Variants in NOX4 observed in about 807,000 individuals in gnomAD.
NOX4 encodes the protein NADPH oxidase 4, also known as kidney oxidase-1.
A neutral mutation model predicts 87.6 loss-of-function variants in NOX4; 69 were observed. That is an observed-to-expected ratio of 0.79 (90% CI 0.65 to 0.96). The LOEUF is 0.96. NOX4 is among the 40% of genes least tolerant of loss of function. NOX4 has a pLI of 0.00. For missense variants in NOX4, 680 were observed against 681.5 expected (o/e 1.00, Z 0.02); for synonymous variants, 275 against 238.2 (o/e 1.15, Z -1.42).
chr11:89,400,615 T>C (rs1232878877), intron 9 of NOX4, among the ~76,000 whole-genome samples: 5 of 152,116 alleles, frequency 3.3e-5, no homozygotes, highest in African/African-American at 9.6e-5. Context: ...ATGCCCTGGG[T>C]GTAACTATCC....
At chr11:89,385,791 C>T (rs1204772196) in intron 11 of NOX4, among the ~76,000 whole-genome samples, 1 of 152,130 alleles carries the variant, frequency 6.6e-6, no homozygotes, top group African/African-American at 2.4e-5. Context: ...AACTAAAATA[C>T]CTCTTGGTCT....
chr11:89,558,579 T>C, the NOX4 span, among the ~76,000 whole-genome samples: 1 of 152,270 alleles, frequency 6.6e-6, no homozygotes, highest in East Asian at 1.9e-4. Flanking sequence ...CCAGGCTTAG[T>C]AGTACCCCAG....
intron 8 of NOX4, among the ~76,000 whole-genome samples, chr11:89,413,244 A>G (rs1229213174): frequency 1.3e-5 from 2 of 152,170 alleles, no homozygotes; most frequent in Non-Finnish European, 2.9e-5. Flanking sequence ...GTAAGTTAGC[A>G]TAACCCTTAT....
At chr11:89,506,977 A>G in the NOX4 span, among the ~76,000 whole-genome samples, 63 of 152,044 alleles carry the variant, frequency 4.1e-4, no homozygotes, top group South Asian at 2.1e-4. Context: ...AAAGGAATGA[A>G]CTCTCGATAC....
At chr11:89,386,301 T>A (rs1387309991) in intron 11 of NOX4, among the ~76,000 whole-genome samples, 1 of 152,150 alleles carries the variant, frequency 6.6e-6, no homozygotes, top group African/African-American at 2.4e-5. Flanking sequence ...TATTCATCAT[T>A]CTCAACTACT....
intron 12 of NOX4, among the ~76,000 whole-genome samples, chr11:89,357,974 A>C (rs1938199507): frequency 6.6e-6 from 1 of 152,178 alleles, no homozygotes; most frequent in Admixed American, 6.5e-5. Context: ...GACATCACTT[A>C]TAAAGCTATA....
the NOX4 span, chr11:89,546,663 T>C: frequency 6.6e-6 from 1 of 152,244 alleles, no homozygotes; most frequent in African/African-American, 2.4e-5. Context: ...AAATCCAATG[T>C]CTAGACGCTG....
At position 89,421,219 on chromosome 11, in the gene NOX4, C is replaced by A. The variant is rs527341311; in HGVS notation, c.629+683G>T. On this transcript the variant is annotated intron_variant, in intron 8 of 17. Transcript: ENST00000263317. Reference sequence around the variant, plus strand: ...TGCAGGTGTGAATGTCACGCCAAAGCCATCAAGTTCACTGCCGGTGGCCAT... The same window carrying A: ...TGCAGGTGTGAATGTCACGCCAAAGACATCAAGTTCACTGCCGGTGGCCAT... 1.4e-3 allele frequency among the ~76,000 whole-genome samples: 208 copies of A among 152,242 alleles called. 10 individuals carry two copies. The highest frequency in any genetic ancestry group is 0.01 in the Middle Eastern group (3 of 294).
At chr11:89,584,930 G>C in the NOX4 span, among the ~76,000 whole-genome samples, 1 of 152,058 alleles carries the variant, frequency 6.6e-6, no homozygotes, top group Non-Finnish European at 1.5e-5. Context: ...TTGTGGTCTA[G>C]CAATCCTTGG....
chr11:89,402,079 A>G (rs1764010895), intron 9 of NOX4, among the ~76,000 whole-genome samples: 1 of 152,106 alleles, frequency 6.6e-6, no homozygotes, highest in African/African-American at 2.4e-5. Context: ...GCAAGCACCA[A>G]TGCTGTTGTA....
the NOX4 span, among the ~76,000 whole-genome samples, chr11:89,560,834 C>T: frequency 6.6e-6 from 1 of 150,940 alleles, no homozygotes; most frequent in Non-Finnish European, 1.5e-5. Context: ...TTGAGTTACA[C>T]CATTTGTTTA....
chr11:89,359,117 C>T (rs1012715295), intron 12 of NOX4, among the ~76,000 whole-genome samples: 17 of 152,026 alleles, frequency 1.1e-4, no homozygotes, highest in African/African-American at 2.7e-4. Flanking sequence ...GCCCTTAGAC[C>T]TGGATGACAT....
chr11:89,455,237 T>C (rs746323433), intron 2 of NOX4, among the ~76,000 whole-genome samples: 1 of 150,772 alleles, frequency 6.6e-6, no homozygotes. Flanking sequence ...TGTGTTTGTG[T>C]CATAATACCT....
At chr11:89,517,710 T>C in the NOX4 span, among the ~76,000 whole-genome samples, 1 of 152,026 alleles carries the variant, frequency 6.6e-6, no homozygotes, top group African/African-American at 2.4e-5. Context: ...CTCAAACTCA[T>C]GGCCTCAAGC....
intron 11 of NOX4, among the ~76,000 whole-genome samples, chr11:89,376,127 G>A (rs1203807346): frequency 1.3e-5 from 2 of 152,158 alleles, no homozygotes; most frequent in African/African-American, 4.8e-5. Flanking sequence ...ATCTTCGAAT[G>A]CTAATCTGGT....
the NOX4 span, among the ~76,000 whole-genome samples, chr11:89,529,429 A>G: frequency 6.6e-6 from 1 of 152,208 alleles, no homozygotes; most frequent in Admixed American, 6.5e-5. Flanking sequence ...TCAGTGAAGT[A>G]GCCTGATTAC....
the NOX4 span, among the ~76,000 whole-genome samples, chr11:89,527,094 A>G: frequency 6.6e-6 from 1 of 152,218 alleles, no homozygotes; most frequent in African/African-American, 2.4e-5. Flanking sequence ...ATGCTTTAAC[A>G]AAGAGACTGG....
At chr11:89,433,756 G>GT (rs1171397842) in intron 6 of NOX4, among the ~76,000 whole-genome samples, 4 of 151,862 alleles carry the variant, frequency 2.6e-5, no homozygotes, top group African/African-American at 7.3e-5. Context: ...CATAACATTT[G>GT]TTTTTTTAAA....
chr11:89,391,952 TC>T, intron 11 of NOX4, among the ~76,000 whole-genome samples: 1 of 141,272 alleles, frequency 7.1e-6, no homozygotes, highest in Non-Finnish European at 1.5e-5. Context: ...CTTCCCCTTC[TC>T]CTTCCTTCCT....
Sources: allele counts gnomAD v4.1 joint callset (sites outside exome capture counted in the v4.1 genomes callset), GRCh38; gene constraint gnomAD v4.1.1; transcripts MANE v1.5; gene names NCBI Gene and HGNC (gene_info 2026-07-23, HGNC 2026-07-21).